Variants in CNTNAP2 observed in about 807,000 individuals in gnomAD.
CNTNAP2 encodes the protein contactin associated protein 2.
A neutral mutation model predicts 155.2 loss-of-function variants in CNTNAP2; 98 were observed. The observed-to-expected ratio is 0.63, with a 90% CI of 0.54 to 0.75. CNTNAP2 has a LOEUF of 0.75. CNTNAP2 is among the 30% of genes least tolerant of loss of function. The probability of loss-of-function intolerance (pLI) is 0.00; values close to 1 mark genes in which losing one functional copy is unlikely to be tolerated. For missense variants in CNTNAP2, 1,727 were observed against 1,688.1 expected (o/e 1.02, Z -0.40); for synonymous variants, 651 against 631.2 (o/e 1.03, Z -0.47).
intron 1 of CNTNAP2, among the ~76,000 whole-genome samples, chr7:146,429,832 C>T (rs1206099501): frequency 6.6e-6 from 1 of 152,076 alleles, no homozygotes; most frequent in South Asian, 2.1e-4. Context: ...AGCTTTTGCC[C>T]ATTCTATATG....
intron 2 of CNTNAP2, among the ~76,000 whole-genome samples, chr7:146,807,217 T>C (rs897866212): frequency 6.6e-6 from 1 of 152,186 alleles, no homozygotes; most frequent in African/African-American, 2.4e-5. Context: ...ATTTTTAAAA[T>C]TTTTGTACAT....
At chr7:148,121,036 AT>A (rs992410903) in intron 16 of CNTNAP2, among the ~76,000 whole-genome samples, 1 of 151,150 alleles carries the variant, frequency 6.6e-6, no homozygotes, top group African/African-American at 2.4e-5. Context: ...TTTTTCTTTA[AT>A]TTTTTTTTAT....
At chr7:147,386,694 G>A (rs558954620) in intron 9 of CNTNAP2, among the ~76,000 whole-genome samples, 13 of 152,146 alleles carry the variant, frequency 8.5e-5, no homozygotes, top group South Asian at 6.2e-4. Context: ...AAGGAGTTCC[G>A]AACTTTCCCA....
chr7:147,625,683 C>T (rs1295998850), intron 12 of CNTNAP2, among the ~76,000 whole-genome samples: 1 of 152,144 alleles, frequency 6.6e-6, no homozygotes, highest in Admixed American at 6.5e-5. Flanking sequence ...ATGAACTGAA[C>T]TGTGTGTGGA....
At chr7:148,381,744 C>G (rs1055093392) in intron 21 of CNTNAP2, among the ~76,000 whole-genome samples, 11 of 152,166 alleles carry the variant, frequency 7.2e-5, no homozygotes, top group Non-Finnish European at 1.3e-4. Context: ...GACAGGGACC[C>G]GCCCCTTTCT....
At chr7:147,778,764 G>T (rs954619162) in intron 13 of CNTNAP2, among the ~76,000 whole-genome samples, 9 of 152,144 alleles carry the variant, frequency 5.9e-5, no homozygotes, top group African/African-American at 2.2e-4. Context: ...GCCTGCCTTG[G>T]TCTCCCAAAG....
At chr7:146,147,634 T>A (rs1158321498) in intron 1 of CNTNAP2, among the ~76,000 whole-genome samples, 3 of 152,136 alleles carry the variant, frequency 2.0e-5, no homozygotes, top group Non-Finnish European at 2.9e-5. Flanking sequence ...TTTAGCCAGC[T>A]AGAATCAAAG....
chr7:147,730,180 T>G (rs12703960), intron 13 of CNTNAP2, among the ~76,000 whole-genome samples: 1 of 151,920 alleles, frequency 6.6e-6, no homozygotes, highest in Admixed American at 6.6e-5. Context: ...GAAGTGGGCT[T>G]ATGTCAAATG....
chr7:148,188,813 C>A (rs532640815), intron 18 of CNTNAP2, among the ~76,000 whole-genome samples: 59 of 152,174 alleles, frequency 3.9e-4, no homozygotes, highest in Non-Finnish European at 7.1e-4. Context: ...TCCCTTGAAA[C>A]CACTTGGTCT....
intron 19 of CNTNAP2, among the ~76,000 whole-genome samples, chr7:148,222,542 C>CTAT (rs1491302087): frequency 2.7e-4 from 41 of 151,708 alleles, no homozygotes; most frequent in South Asian, 2.3e-3. Context: ...TTCCATGAAT[C>CTAT]GATGAATGGA....
chr7:148,337,866 G>A (rs999001249), intron 21 of CNTNAP2, among the ~76,000 whole-genome samples: 1 of 152,206 alleles, frequency 6.6e-6, no homozygotes, highest in African/African-American at 2.4e-5. Context: ...AGATGAAAGA[G>A]CAATGGGTCA....
chr7:146,980,674 G>A (rs1797998599), intron 3 of CNTNAP2, among the ~76,000 whole-genome samples: 2 of 152,082 alleles, frequency 1.3e-5, no homozygotes, highest in South Asian at 2.1e-4. Flanking sequence ...AAGGTGGGAG[G>A]TGCCATGCTC....
At chr7:146,577,591 TA>T (rs1183714729) in intron 1 of CNTNAP2, among the ~76,000 whole-genome samples, 1 of 151,870 alleles carries the variant, frequency 6.6e-6, no homozygotes, top group Non-Finnish European at 1.5e-5. Flanking sequence ...ATTTTCAACT[TA>T]AAAAAAGTGG....
chr7:146,374,942 C>A (rs1028948643), intron 1 of CNTNAP2, among the ~76,000 whole-genome samples: 4 of 152,036 alleles, frequency 2.6e-5, no homozygotes, highest in Non-Finnish European at 5.9e-5. Flanking sequence ...TTTAAAAATT[C>A]TCATATGCTA....
chr7:147,025,856 T>A, intron 3 of CNTNAP2, among the ~76,000 whole-genome samples: 1 of 141,588 alleles, frequency 7.1e-6, no homozygotes, highest in Admixed American at 7.1e-5. Context: ...CTGTTGTTTT[T>A]TTTTTTTTTA....
intron 6 of CNTNAP2, among the ~76,000 whole-genome samples, chr7:147,123,755 A>G (rs1584858274): frequency 6.6e-6 from 1 of 152,180 alleles, no homozygotes; most frequent in Non-Finnish European, 1.5e-5. Flanking sequence ...AACCTCAGGG[A>G]CTGGGCCAGG....
At chr7:148,026,181 G>A (rs559617212) in intron 15 of CNTNAP2, among the ~76,000 whole-genome samples, 9 of 152,230 alleles carry the variant, frequency 5.9e-5, no homozygotes, top group African/African-American at 1.7e-4. Flanking sequence ...AGGTGTGGCG[G>A]CTCACACCTG....
intron 9 of CNTNAP2, among the ~76,000 whole-genome samples, chr7:147,360,005 A>T (rs1796121524): frequency 6.6e-6 from 1 of 152,158 alleles, no homozygotes; most frequent in Admixed American, 6.6e-5. Context: ...TTTAACTGCC[A>T]CATCTTTGGA....
At chr7:146,829,488 C>T (rs1346644351) in intron 2 of CNTNAP2, among the ~76,000 whole-genome samples, 1 of 151,934 alleles carries the variant, frequency 6.6e-6, no homozygotes, top group East Asian at 1.9e-4. Flanking sequence ...GGTTAAATTC[C>T]AGAATGGAAA....
Sources: allele counts gnomAD v4.1 joint callset (sites outside exome capture counted in the v4.1 genomes callset), GRCh38; gene constraint gnomAD v4.1.1; transcripts MANE v1.5; gene names NCBI Gene and HGNC (gene_info 2026-07-23, HGNC 2026-07-21).